GADL1: variants seen among roughly 807,000 people sequenced by gnomAD.
GADL1 encodes the protein acidic amino acid decarboxylase GADL1.
Under a neutral mutation model 69.5 loss-of-function variants are expected in GADL1, and 71 were observed. The observed-to-expected ratio is 1.02, with a 90% CI of 0.84 to 1.25. GADL1 has a LOEUF of 1.25. Among genes scored for constraint, GADL1 ranks in the 50% most tolerant of loss-of-function variants. The pLI is 0.00. For synonymous variants in GADL1, 254 were observed against 214.4 expected (o/e 1.18, Z -1.62); for missense variants, 737 against 631.8 (o/e 1.17, Z -1.79).
intron 11 of GADL1, among the ~76,000 whole-genome samples, chr3:30,801,930 C>T (rs548134864): frequency 6.6e-6 from 1 of 152,322 alleles, no homozygotes; most frequent in East Asian, 1.9e-4. Context: ...TGTCCTTGAA[C>T]CACTACATCC....
intron 11 of GADL1, among the ~76,000 whole-genome samples, chr3:30,817,514 GGAAAT>G (rs1697496710): frequency 6.6e-6 from 1 of 152,010 alleles, no homozygotes; most frequent in African/African-American, 2.4e-5. Flanking sequence ...TTCAAAATTG[GGAAAT>G]GAAATCTATT....
intron 12 of GADL1, among the ~76,000 whole-genome samples, chr3:30,787,639 C>G (rs1416247809): frequency 3.3e-5 from 5 of 152,090 alleles, no homozygotes; most frequent in Non-Finnish European, 7.4e-5. Context: ...AAACTAGATT[C>G]CAGTAATAGT....
chr3:30,780,525 C>T (rs1696643247), intron 13 of GADL1, among the ~76,000 whole-genome samples: 1 of 152,194 alleles, frequency 6.6e-6, no homozygotes. Context: ...ATTGATATTA[C>T]ACTTTCCCAC....
chr3:30,791,442 C>G (rs4245893), intron 12 of GADL1, among the ~76,000 whole-genome samples: 49 of 152,294 alleles, frequency 3.2e-4, no homozygotes, highest in African/African-American at 1.2e-3. Flanking sequence ...CCTGCCTCCA[C>G]TTCCTCATGC....
intron 11 of GADL1, among the ~76,000 whole-genome samples, chr3:30,814,954 ACT>A (rs1006730872): frequency 1.3e-5 from 2 of 150,746 alleles, no homozygotes; most frequent in African/African-American, 2.4e-5. Flanking sequence ...ACAGAGCCAG[ACT>A]CTGTCTCATT....
intron 6 of GADL1, 116 bp from the exon 7 acceptor site, chr3:30,844,582 T>C (rs1698024753): frequency 1.4e-6 from 1 of 734,994 alleles, no homozygotes. Flanking sequence ...TGGGACATTA[T>C]TGCATAAAAA....
At chr3:30,851,421 A>T (rs575188801) in intron 4 of GADL1, among the ~76,000 whole-genome samples, 1 of 152,162 alleles carries the variant, frequency 6.6e-6, no homozygotes, top group East Asian at 1.9e-4. Flanking sequence ...GGCTTCCTCT[A>T]CTACACTCTC....
At chr3:30,875,975 C>A (rs1245274184) in intron 1 of GADL1, among the ~76,000 whole-genome samples, 1 of 151,984 alleles carries the variant, frequency 6.6e-6, no homozygotes, top group Non-Finnish European at 1.5e-5. Flanking sequence ...TCCAACTTGG[C>A]CATTCTTGCC....
chr3:30,732,827 G>A (rs992085654), intron 14 of GADL1, among the ~76,000 whole-genome samples: 1 of 152,174 alleles, frequency 6.6e-6, no homozygotes, highest in African/African-American at 2.4e-5. Context: ...GGACGCCAAG[G>A]CGGGCAGATC....
In GADL1 at chr3:30,865,305, A is replaced by ATT. The variant is rs1302192425; in HGVS notation, c.38-3542_38-3541dup. On this transcript the variant is annotated intron_variant, in intron 1 of 14. Coordinates refer to ENST00000282538, the MANE Select transcript of GADL1 (RefSeq NM_207359.3). ...AATTAATATATATATATATATATAT[A>ATT]TTTTTTAATATCTGTCTCTCCAATA... Among the ~76,000 whole-genome samples, 321 of 123,550 alleles carry ATT rather than the reference A, an allele frequency of 2.6e-3. 3 individuals are homozygous for ATT. Among genetic ancestry groups the ATT allele is most frequent in the South Asian group, 0.023 (97 of 4,272 alleles). 81.1% of individuals were successfully genotyped at this position (123,550 alleles called of 152,430 possible). A position where few individuals can be genotyped will look rare whatever the true frequency, so the allele number is the denominator to read the frequency against.
Position 30,752,115 on chromosome 3 carries a change from CAG to C in GADL1, c.1393-23702_1393-23701del, listed in dbSNP as rs1208988981. On this transcript the variant is annotated intron_variant, in intron 14 of 14. Transcript: ENST00000282538. ...GCTGTGGTTTCTCATTCCACACACA[CAG>C]TGGTACCTGACTGAGTACTTCACTG... Among the ~76,000 whole-genome samples, 10 of 151,310 alleles carry C rather than the reference CAG, an allele frequency of 6.6e-5. No homozygotes were observed. The East Asian group carries it at 1.9e-3, about 29-fold the overall frequency.
chr3:30,791,998 C>T (rs946880711), intron 12 of GADL1, among the ~76,000 whole-genome samples: 1 of 152,148 alleles, frequency 6.6e-6, no homozygotes. Flanking sequence ...CCCACTGAAC[C>T]TCTTTTTCTT....
chr3:30,792,313 C>CT (rs1406385426), intron 12 of GADL1, among the ~76,000 whole-genome samples: 1 of 152,172 alleles, frequency 6.6e-6, no homozygotes, highest in African/African-American at 2.4e-5. Context: ...TGGCTTATGC[C>CT]TATAATCCTA....
intron 11 of GADL1, among the ~76,000 whole-genome samples, chr3:30,807,324 C>T (rs909712811): frequency 2.0e-5 from 3 of 152,166 alleles, no homozygotes; most frequent in Admixed American, 6.5e-5. Context: ...CATATTACAA[C>T]CCTCACCCAC....
intron 11 of GADL1, among the ~76,000 whole-genome samples, chr3:30,803,061 C>T (rs1697193195): frequency 6.6e-6 from 1 of 152,084 alleles, no homozygotes; most frequent in Admixed American, 6.6e-5. Context: ...CACAGCTCAC[C>T]AGCCTACGCA....
intron 14 of GADL1, among the ~76,000 whole-genome samples, chr3:30,762,978 G>C (rs570102454): frequency 6.6e-6 from 1 of 152,226 alleles, no homozygotes; most frequent in African/African-American, 2.4e-5. Context: ...TCTGTAGATG[G>C]ACACTTAGGT....
chr3:30,752,117 G>A lies in GADL1; in HGVS notation c.1393-23702C>T, dbSNP rs191855773. Among the ~76,000 whole-genome samples, 161 of 152,262 alleles carry A rather than the reference G, an allele frequency of 1.1e-3. 1 individual carries two copies. The highest frequency in any genetic ancestry group is 2.0e-3 in the Non-Finnish European group (134 of 68,030). On this transcript the variant is annotated intron_variant, in intron 14 of 14. Coordinates refer to ENST00000282538, the MANE Select transcript of GADL1 (RefSeq NM_207359.3). ...TGTGGTTTCTCATTCCACACACACA[G>A]TGGTACCTGACTGAGTACTTCACTG... is the stretch of plus-strand genomic sequence containing the variant.
chr3:30,729,657 C>T (rs1695425372), intron 14 of GADL1, among the ~76,000 whole-genome samples: 1 of 152,190 alleles, frequency 6.6e-6, no homozygotes, highest in Non-Finnish European at 1.5e-5. Flanking sequence ...TCATCTGACA[C>T]TCAACACAAT....
At position 30,754,252 on chromosome 3, in the gene GADL1, A is replaced by AT. The variant is rs529210256; in HGVS notation, c.1392+23926dup. Among the ~76,000 whole-genome samples, 770 of 152,182 alleles carry AT rather than the reference A, an allele frequency of 5.1e-3. 7 individuals are homozygous for AT. Among genetic ancestry groups the AT allele is most frequent in the African/African-American group, 0.018 (743 of 41,520 alleles). ...TGAGGGGCAGAAAGCCTACCATTTT[A>AT]TTTTTTCAAGATGTGTAAAGGAGAA... On this transcript the variant is annotated intron_variant, in intron 14 of 14. Coordinates refer to ENST00000282538, the MANE Select transcript of GADL1 (RefSeq NM_207359.3).
Sources: gnomAD v4.1 joint callset for allele counts (sites outside exome capture counted in the v4.1 genomes callset) on GRCh38, gnomAD v4.1.1 for gene constraint, MANE v1.5 for transcripts, NCBI Gene and HGNC (gene_info 2026-07-23, HGNC 2026-07-21) for gene names.